The following DOCK2 variants were observed in gnomAD, a reference collection of about 807,000 sequenced individuals.
The protein encoded by DOCK2 is dedicator of cytokinesis 2.
In DOCK2, 87 loss-of-function variants were observed where a neutral mutation model predicts 248.9. That is an observed-to-expected ratio of 0.35 (90% CI 0.29 to 0.42). The LOEUF (loss-of-function observed/expected upper bound fraction) is 0.42. Ranked by LOEUF, DOCK2 falls within the 10% of genes least tolerant of loss-of-function variation. The probability of loss-of-function intolerance (pLI) is 1.00; values close to 1 mark genes in which losing one functional copy is unlikely to be tolerated. For missense variants in DOCK2, 1,747 were observed against 2,300.2 expected (o/e 0.76, Z 4.92); for synonymous variants, 805 against 821.6 (o/e 0.98, Z 0.35).
intron 3 of DOCK2, among the ~76,000 whole-genome samples, chr5:169,670,097 T>C (rs1209803803): frequency 6.6e-6 from 1 of 152,236 alleles, no homozygotes; most frequent in Non-Finnish European, 1.5e-5. Context: ...ACCAGTTATT[T>C]CTGACCTTCC....
intron 27 of DOCK2, among the ~76,000 whole-genome samples, chr5:169,898,922 G>C (rs754344559): frequency 7.9e-5 from 12 of 152,184 alleles, no homozygotes; most frequent in Non-Finnish European, 1.6e-4. Context: ...CTAAAGTGAA[G>C]AAGCAAAAGG....
intron 28 of DOCK2, 75 bp downstream of exon 28, chr5:169,983,241 G>C (rs966777909): frequency 3.5e-6 from 5 of 1,434,730 alleles, no homozygotes; most frequent in Non-Finnish European, 4.9e-6. Context: ...CTGTCAGAGA[G>C]ACCTGCCTGT....
intron 26 of DOCK2, among the ~76,000 whole-genome samples, chr5:169,838,927 ATCT>A (rs1372317592): frequency 1.3e-5 from 2 of 152,182 alleles, no homozygotes; most frequent in East Asian, 1.9e-4. Flanking sequence ...TAGTAAGCAC[ATCT>A]TCTTTCTTTT....
At chr5:169,765,068 G>GCACACACACA (rs764611025) in intron 25 of DOCK2, among the ~76,000 whole-genome samples, 1,806 of 79,696 alleles carry the variant, frequency 0.023, 37 homozygotes, top group African/African-American at 0.06. Flanking sequence ...GGCTCTTTTA[G>GCACACACACA]CGCACACACA....
intron 25 of DOCK2, among the ~76,000 whole-genome samples, chr5:169,779,521 C>G (rs1272755173): frequency 1.3e-5 from 2 of 152,146 alleles, no homozygotes; most frequent in African/African-American, 4.8e-5. Flanking sequence ...CACACTGGCT[C>G]ATTGCTGGGA....
chr5:169,694,445 T>C (rs1473875311), intron 9 of DOCK2, among the ~76,000 whole-genome samples: 2 of 152,194 alleles, frequency 1.3e-5, no homozygotes, highest in Non-Finnish European at 2.9e-5. Flanking sequence ...AAGGGAGCTG[T>C]ACTGTAGTAG....
At chr5:169,708,368 A>C in intron 15 of DOCK2, 101 bp downstream of exon 15, 1 of 1,153,180 alleles carries the variant, frequency 8.7e-7, no homozygotes, top group Non-Finnish European at 1.3e-6. Context: ...TGCTTACAAC[A>C]GCCGTGTGAG....
chr5:169,726,885 C>T (rs1399464101), intron 22 of DOCK2, among the ~76,000 whole-genome samples: 1 of 152,046 alleles, frequency 6.6e-6, no homozygotes. Flanking sequence ...AGTAATTCTT[C>T]TCAGAGGAGG....
At chr5:169,905,256 G>T (rs261048) in intron 27 of DOCK2, among the ~76,000 whole-genome samples, 45,477 of 151,296 alleles carry the variant, frequency 0.3, 7,597 homozygotes, top group East Asian at 0.55. Flanking sequence ...GCCCCAGTTG[G>T]TGAATGAAAC....
Position 170,027,021 on chromosome 5 carries a change from A to G in DOCK2, c.3382-842A>G, listed in dbSNP as rs535903561. 2.0e-4 allele frequency among the ~76,000 whole-genome samples: 30 copies of G among 151,952 alleles called. 1 individual carries two copies. The highest frequency in any genetic ancestry group is 1.6e-3 in the East Asian group (8 of 5,148). The stretch of plus-strand genomic sequence containing the variant: ...TGTGGCTGAATGCAGGGGCTCACAA[A>G]TGGCATCAGGTCTCTGTCTCTCTGT... On this transcript the variant is annotated intron_variant, in intron 33 of 51. Transcript: ENST00000520908.
intron 25 of DOCK2, among the ~76,000 whole-genome samples, chr5:169,801,194 G>T (rs1367924281): frequency 8.9e-6 from 1 of 112,114 alleles, no homozygotes; most frequent in African/African-American, 3.1e-5. Flanking sequence ...TAGACTTGGG[G>T]TTTCACCATA....
intron 1 of DOCK2, among the ~76,000 whole-genome samples, chr5:169,637,801 C>G (rs1429560240): frequency 6.6e-6 from 1 of 152,176 alleles, no homozygotes; most frequent in African/African-American, 2.4e-5. Context: ...ACCCATTTGC[C>G]TGCTTCCCCT....
rs184490639 is a variant in DOCK2, at chr5:169,904,047, C to T, written c.2799+63195C>T. The stretch of plus-strand genomic sequence containing the variant: ...GGCAGAGGTTGCAGTGAGCCGAGAT[C>T]GTTCCATTGACTCCAGCCTGGGCAA... On this transcript the variant is annotated intron_variant, in intron 27 of 51. Transcript: ENST00000520908. 3.0e-3 allele frequency among the ~76,000 whole-genome samples: 418 copies of T among 139,494 alleles called. 1 individual carries two copies. The highest frequency in any genetic ancestry group is 0.011 in the African/African-American group (398 of 35,504). The allele number at this position is 139,494 out of a possible 152,430, so 91.5% of individuals were successfully genotyped here. A position where few individuals can be genotyped will look rare whatever the true frequency, so the allele number is the denominator to read the frequency against.
chr5:169,707,484 C>T (rs958208780), intron 14 of DOCK2, among the ~76,000 whole-genome samples: 7 of 152,200 alleles, frequency 4.6e-5, no homozygotes, highest in African/African-American at 1.2e-4. Flanking sequence ...TCTGTCATCA[C>T]GTTGCCTTGC....
intron 6 of DOCK2, 60 bp downstream of exon 6, chr5:169,674,505 C>G: frequency 6.3e-7 from 1 of 1,597,510 alleles, no homozygotes; most frequent in Admixed American, 1.7e-5. Flanking sequence ...TTTCTTCCCT[C>G]TCTCCCCAGA....
chr5:170,013,076 A>G (rs1755366397), intron 32 of DOCK2, among the ~76,000 whole-genome samples: 2 of 152,124 alleles, frequency 1.3e-5, no homozygotes, highest in African/African-American at 4.8e-5. Context: ...AGTGAGGACT[A>G]TAAGGATGAT....
intron 25 of DOCK2, chr5:169,773,014 T>G (rs1018242882): frequency 5.9e-5 from 9 of 152,176 alleles, no homozygotes; most frequent in Non-Finnish European, 1.0e-4. Context: ...GCATCAAAGT[T>G]CTTCAAGTGA....
chr5:169,815,680 T>C (rs187065919), intron 26 of DOCK2, among the ~76,000 whole-genome samples: 5 of 152,330 alleles, frequency 3.3e-5, no homozygotes, highest in African/African-American at 1.2e-4. Context: ...AAGTGTTAAT[T>C]TTCTTGATTA....
intron 25 of DOCK2, among the ~76,000 whole-genome samples, chr5:169,792,746 C>T (rs1314931670): frequency 3.9e-5 from 6 of 152,220 alleles, no homozygotes; most frequent in Non-Finnish European, 8.8e-5. Context: ...GCCCAAACTG[C>T]ATTCATCTGG....
Sources: allele counts gnomAD v4.1 joint callset (sites outside exome capture counted in the v4.1 genomes callset), GRCh38; gene constraint gnomAD v4.1.1; transcripts MANE v1.5; gene names NCBI Gene and HGNC (gene_info 2026-07-23, HGNC 2026-07-21).